The following ANKRD36C variants were observed in gnomAD, a reference collection of about 807,000 sequenced individuals.
ANKRD36C encodes ankyrin repeat domain-containing protein 36C.
ANKRD36C carries 61 observed loss-of-function variants against 276.4 expected under a neutral mutation model. That is an observed-to-expected ratio of 0.22 (90% confidence interval 0.18 to 0.27). The LOEUF is 0.27. ANKRD36C is among the 10% of genes least tolerant of loss of function. ANKRD36C has a pLI of 1.00. For synonymous variants in ANKRD36C, 483 were observed against 680.1 expected (o/e 0.71, Z 4.51); for missense variants, 1,447 against 2,032.3 (o/e 0.71, Z 5.54).
chr2:95,893,872 C>T lies in ANKRD36C; in HGVS notation c.2756-2012G>A. 6 of 1,400,492 alleles carry T rather than the reference C, an allele frequency of 4.3e-6. No individual in the cohort carries two copies. The South Asian group carries it at 5.3e-5, about 12-fold the overall frequency. The allele number at this position is 1,400,492 out of a possible 1,614,324, so 86.8% of individuals were successfully genotyped here. A position where few individuals can be genotyped will look rare whatever the true frequency, so the allele number is the denominator to read the frequency against. ...TCTACTTTGTGTCTGGGGACTAGAA[C>T]ATGACAGAAATACACTGAGAAAAGG... is the stretch of plus-strand genomic sequence containing the variant. On this transcript the variant is annotated intron_variant, in intron 44 of 66. Transcript: ENST00000456556.
intron 5 of ANKRD36C, among the ~76,000 whole-genome samples, 195 bp from the exon 6 acceptor site, chr2:95,978,384 G>A (rs993384721): frequency 3.9e-5 from 6 of 152,044 alleles, no homozygotes; most frequent in African/African-American, 1.4e-4. Flanking sequence ...CTCATGAAGT[G>A]AAGGCAGTAT....
At chr2:95,963,295 C>T (rs556836976) in intron 6 of ANKRD36C, among the ~76,000 whole-genome samples, 6 of 152,128 alleles carry the variant, frequency 3.9e-5, no homozygotes, top group Non-Finnish European at 7.4e-5. Flanking sequence ...CTGCTACAAG[C>T]ATTAGATATT....
intron 19 of ANKRD36C, 71 bp downstream of exon 19, chr2:95,944,556 T>A: frequency 2.9e-6 from 4 of 1,402,282 alleles, no homozygotes; most frequent in African/African-American, 1.4e-5. Context: ...CATTAACAGA[T>A]AAGAGTGAGT....
At chr2:95,960,569 A>AATC (rs1264230674) in intron 9 of ANKRD36C, 24 bp from the exon 10 acceptor site, 1 of 1,358,960 alleles carries the variant, frequency 7.4e-7, no homozygotes, top group African/African-American at 1.5e-5. Flanking sequence ...CAAACAAAAT[A>AATC]ATCAATACCT....
intron 36 of ANKRD36C, among the ~76,000 whole-genome samples, chr2:95,917,444 T>C (rs889176146): frequency 4.0e-5 from 6 of 151,586 alleles, no homozygotes; most frequent in African/African-American, 1.5e-4. Context: ...TTCTACAGTG[T>C]CTATGGATTA....
chr2:95,888,225 G>A, intron 48 of ANKRD36C, 105 bp from the exon 69 acceptor site: 1 of 1,554,314 alleles, frequency 6.4e-7, no homozygotes, highest in Non-Finnish European at 8.8e-7. Flanking sequence ...GCCTGTATTA[G>A]TATAGGCTTT....
intron 5 of ANKRD36C, among the ~76,000 whole-genome samples, chr2:95,978,814 T>A (rs1255418493): frequency 6.6e-6 from 1 of 152,072 alleles, no homozygotes; most frequent in African/African-American, 2.4e-5. Context: ...ATAAATAAAT[T>A]AATTTATGAA....
At chr2:95,914,119 T>A in exon 40 of ANKRD36C, 1 of 1,571,046 alleles carries the variant, frequency 6.4e-7, no homozygotes, top group Non-Finnish European at 8.6e-7. Flanking sequence ...TCTCCTAGTT[T>A]TTTCTCCATC....
At chr2:95,867,462 A>C in exon 60 of ANKRD36C, 1 of 1,402,252 alleles carries the variant, frequency 7.1e-7, no homozygotes, top group Non-Finnish European at 9.7e-7. Context: ...TTTCATGTTG[A>C]TCAATGAGTA....
At chr2:95,912,280 T>C in exon 42 of ANKRD36C, 9 of 1,561,634 alleles carry the variant, frequency 5.8e-6, no homozygotes, top group South Asian at 1.2e-5. Flanking sequence ...TTTTCTCTGG[T>C]TATATTCGAA....
chr2:95,911,839 T>A (rs752149920), intron 42 of ANKRD36C, among the ~76,000 whole-genome samples: 42 of 151,594 alleles, frequency 2.8e-4, no homozygotes, highest in Non-Finnish European at 2.1e-4. Context: ...TCAGTTCTCC[T>A]TCTACAGTGT....
At chr2:95,891,690 T>C (rs1676365029) in exon 46 of ANKRD36C, 3 of 1,573,260 alleles carry the variant, frequency 1.9e-6, no homozygotes, top group Admixed American at 1.8e-5. Context: ...CTCCATGCTT[T>C]TTTCCTCTGG....
chr2:95,946,305 A>C (rs1223440352), intron 17 of ANKRD36C, among the ~76,000 whole-genome samples: 1 of 151,668 alleles, frequency 6.6e-6, no homozygotes, highest in Non-Finnish European at 1.5e-5. Flanking sequence ...ACACATGAAA[A>C]AATGCTCACC....
intron 13 of ANKRD36C, among the ~76,000 whole-genome samples, chr2:95,956,028 A>G (rs1179922542): frequency 2.6e-5 from 4 of 152,180 alleles, no homozygotes; most frequent in Non-Finnish European, 4.4e-5. Flanking sequence ...AAAAAAGAAG[A>G]ATCCAAAAAA....
intron 6 of ANKRD36C, among the ~76,000 whole-genome samples, chr2:95,974,400 T>C (rs1425747856): frequency 6.6e-6 from 1 of 152,200 alleles, no homozygotes; most frequent in Non-Finnish European, 1.5e-5. Flanking sequence ...GCTAATTCTC[T>C]TAAAAGAAAA....
intron 10 of ANKRD36C, among the ~76,000 whole-genome samples, chr2:95,960,060 A>G (rs72492195): frequency 2.0e-5 from 3 of 151,630 alleles, no homozygotes; most frequent in African/African-American, 4.8e-5. Flanking sequence ...GTTACTTCTC[A>G]TTCTATAGTG....
chr2:95,863,038 A>G, intron 60 of ANKRD36C, among the ~76,000 whole-genome samples: 1 of 151,966 alleles, frequency 6.6e-6, no homozygotes, highest in Non-Finnish European at 1.5e-5. Context: ...GAAACAATAG[A>G]AAAAAATCAA....
rs1410600499 is a variant in ANKRD36C at position 95,851,793 on chromosome 2, A to G, written c.5220-6T>C. The G allele has an allele frequency of 6.5e-7, 1 of 1,527,638 alleles. No individual in the cohort carries two copies. Among genetic ancestry groups the G allele is most frequent in the Non-Finnish European group, 8.8e-7 (1 of 1,131,816 alleles). The allele number at this position is 1,527,638 out of a possible 1,614,324, so 94.6% of individuals were successfully genotyped here. On this transcript the variant is annotated splice_region_variant and splice_polypyrimidine_tract_variant and intron_variant, in intron 65 of 66. Coordinates refer to ENST00000456556, the Ensembl canonical transcript of ANKRD36C. ...TGACATTTTCTACTTCAAGCCTAAA[A>G]TGTGCATTTTAAAATAATTACTCTC...
At chr2:95,864,590 C>A (rs1675647266) in intron 60 of ANKRD36C, among the ~76,000 whole-genome samples, 1 of 151,830 alleles carries the variant, frequency 6.6e-6, no homozygotes, top group Non-Finnish European at 1.5e-5. Context: ...TAAGAGGCAT[C>A]CAAGTTTAAA....
Sources: allele counts gnomAD v4.1 joint callset (sites outside exome capture counted in the v4.1 genomes callset), GRCh38; gene constraint gnomAD v4.1.1; transcripts MANE v1.5; gene names NCBI Gene and HGNC (gene_info 2026-07-23, HGNC 2026-07-21).